The following SLC24A2 variants were observed in gnomAD, a reference collection of about 807,000 sequenced individuals.
SLC24A2 encodes the protein solute carrier family 24 member 2.
In SLC24A2, 36 loss-of-function variants were observed where a neutral mutation model predicts 62.0. That is an observed-to-expected ratio of 0.58 (90% CI 0.44 to 0.77). The LOEUF is 0.77. Among genes scored for constraint, SLC24A2 ranks in the 30% least tolerant of loss-of-function variants. The probability of loss-of-function intolerance (pLI) is 0.00; values close to 1 mark genes in which losing one functional copy is unlikely to be tolerated. For missense variants in SLC24A2, 846 were observed against 817.9 expected (o/e 1.03, Z -0.42); for synonymous variants, 358 against 294.0 (o/e 1.22, Z -2.23).
At chr9:20,110,123 C>A in the SLC24A2 span, among the ~76,000 whole-genome samples, 1 of 152,182 alleles carries the variant, frequency 6.6e-6, no homozygotes, top group African/African-American at 2.4e-5. Flanking sequence ...TCATGAAGAA[C>A]CTGAGCCCAC....
In SLC24A2 at chr9:19,556,372, C is replaced by T. The variant is rs142201914; in HGVS notation, c.1348-6104G>A. On this transcript the variant is annotated intron_variant, in intron 7 of 10. Coordinates refer to ENST00000341998, the MANE Select transcript of SLC24A2 (RefSeq NM_020344.4). ...AGAAAAATATTTCTTGGAGGCAACC[C>T]GGTTTCTTATTTTTTGTCTGTGAAG... Among the ~76,000 whole-genome samples the T allele has an allele frequency of 2.1e-3, 320 of 152,252 alleles. 1 individual carries two copies. Among genetic ancestry groups the T allele is most frequent in the African/African-American group, 7.3e-3 (305 of 41,542 alleles).
chr9:19,732,719 A>G (rs1216419059), intron 2 of SLC24A2, among the ~76,000 whole-genome samples: 2 of 152,180 alleles, frequency 1.3e-5, no homozygotes, highest in Non-Finnish European at 2.9e-5. Context: ...TTTCAAATGC[A>G]GAACCCAGGC....
chr9:19,975,965 G>GTGT, the SLC24A2 span, among the ~76,000 whole-genome samples: 1 of 152,072 alleles, frequency 6.6e-6, no homozygotes. Flanking sequence ...GAATGCACTG[G>GTGT]TGTGAACATG....
the SLC24A2 span, among the ~76,000 whole-genome samples, chr9:19,966,943 C>A: frequency 1.3e-5 from 2 of 152,068 alleles, no homozygotes; most frequent in Non-Finnish European, 2.9e-5. Context: ...AATTTTTCTT[C>A]TTAAGCCTGG....
At chr9:20,140,793 T>C in the SLC24A2 span, among the ~76,000 whole-genome samples, 2 of 152,220 alleles carry the variant, frequency 1.3e-5, no homozygotes, top group South Asian at 2.1e-4. Context: ...ATTATGATTA[T>C]TGTATTTATA....
chr9:20,271,989 T>C, the SLC24A2 span, among the ~76,000 whole-genome samples: 1 of 152,150 alleles, frequency 6.6e-6, no homozygotes, highest in African/African-American at 2.4e-5. Context: ...GTTAAACTAT[T>C]AGATCGCATT....
At chr9:19,936,996 T>C in the SLC24A2 span, among the ~76,000 whole-genome samples, 1 of 152,204 alleles carries the variant, frequency 6.6e-6, no homozygotes, top group Admixed American at 6.5e-5. Context: ...CACATATGTA[T>C]TACTTTAGTG....
chr9:19,719,518 C>G (rs1452167187), intron 2 of SLC24A2, among the ~76,000 whole-genome samples: 2 of 150,264 alleles, frequency 1.3e-5, no homozygotes, highest in Non-Finnish European at 2.9e-5. Context: ...ATGAGAGGAA[C>G]TGGACTGCTT....
chr9:20,116,858 C>T, the SLC24A2 span, among the ~76,000 whole-genome samples: 3 of 152,030 alleles, frequency 2.0e-5, no homozygotes, highest in African/African-American at 4.8e-5. Flanking sequence ...TTAGATCATC[C>T]AATTGTAATA....
At chr9:20,155,546 G>A in the SLC24A2 span, among the ~76,000 whole-genome samples, 1 of 151,752 alleles carries the variant, frequency 6.6e-6, no homozygotes, top group East Asian at 2.0e-4. Flanking sequence ...AAGAATATGT[G>A]GTTTTTGTGA....
chr9:20,035,717 G>A, the SLC24A2 span, among the ~76,000 whole-genome samples: 3 of 152,090 alleles, frequency 2.0e-5, no homozygotes, highest in South Asian at 4.2e-4. Context: ...CCAGGATAGC[G>A]CTGCACTCCA....
At chr9:20,282,127 C>A in the SLC24A2 span, among the ~76,000 whole-genome samples, 1 of 152,136 alleles carries the variant, frequency 6.6e-6, no homozygotes, top group Admixed American at 6.5e-5. Flanking sequence ...ATTTAAATAT[C>A]CCAAACTATT....
chr9:19,883,605 G>A, the SLC24A2 span, among the ~76,000 whole-genome samples: 15 of 149,096 alleles, frequency 1.0e-4, no homozygotes, highest in South Asian at 2.1e-4. Context: ...TTGCTCTGTC[G>A]CCCAGGCTGA....
rs547669645 is a variant in SLC24A2, at chr9:19,681,960, T to C, written c.931-59661A>G. ...CTAGTTTGCAGAAACAACTCCTTCA[T>C]GTAACAGAAATAGGAACTGATTGAT... On this transcript the variant is annotated intron_variant, in intron 2 of 10. Coordinates refer to ENST00000341998, the MANE Select transcript of SLC24A2 (RefSeq NM_020344.4). Among the ~76,000 whole-genome samples the C allele has an allele frequency of 1.8e-4, 27 of 152,296 alleles. No individual in the cohort carries two copies. In the South Asian group the frequency reaches 5.6e-3, roughly 32 times the overall value.
intron 7 of SLC24A2, among the ~76,000 whole-genome samples, chr9:19,552,788 G>A (rs574953796): frequency 1.2e-4 from 18 of 152,340 alleles, no homozygotes; most frequent in African/African-American, 4.1e-4. Flanking sequence ...CTACGGATTA[G>A]CTCCTTTCTC....
At chr9:20,134,320 C>G in the SLC24A2 span, among the ~76,000 whole-genome samples, 1 of 152,094 alleles carries the variant, frequency 6.6e-6, no homozygotes, top group Non-Finnish European at 1.5e-5. Flanking sequence ...TTGTTGTTGT[C>G]ATTTGTTTTA....
intron 3 of SLC24A2, among the ~76,000 whole-genome samples, chr9:19,620,263 C>T (rs1190851589): frequency 6.6e-6 from 1 of 152,184 alleles, no homozygotes; most frequent in African/African-American, 2.4e-5. Context: ...AAAACACTTT[C>T]AAAAATACAA....
the SLC24A2 span, among the ~76,000 whole-genome samples, chr9:20,054,840 C>A: frequency 6.6e-6 from 1 of 151,934 alleles, no homozygotes; most frequent in Non-Finnish European, 1.5e-5. Flanking sequence ...CCAGTAGATA[C>A]AACAGTCAGC....
intron 8 of SLC24A2, among the ~76,000 whole-genome samples, chr9:19,547,049 A>T (rs539005882): frequency 2.6e-5 from 4 of 152,138 alleles, no homozygotes; most frequent in African/African-American, 9.7e-5. Context: ...TGGGAGCTGC[A>T]TACTGGAGCT....
Sources: gnomAD v4.1 joint callset for allele counts (sites outside exome capture counted in the v4.1 genomes callset) on GRCh38, gnomAD v4.1.1 for gene constraint, MANE v1.5 for transcripts, NCBI Gene and HGNC (gene_info 2026-07-23, HGNC 2026-07-21) for gene names.